CCDC34: variants seen among roughly 807,000 people sequenced by gnomAD.
CCDC34 encodes the protein coiled-coil domain containing 34.
A neutral mutation model predicts 44.1 loss-of-function variants in CCDC34; 40 were observed. The observed-to-expected ratio is 0.91, with a 90% CI of 0.70 to 1.18. CCDC34 has a LOEUF of 1.18. Among genes scored for constraint, CCDC34 ranks in the 50% most tolerant of loss-of-function variants. The pLI is 0.00. For missense variants in CCDC34, 466 were observed against 452.3 expected (o/e 1.03, Z -0.28); for synonymous variants, 159 against 158.2 (o/e 1.01, Z -0.04).
Position 27,341,254 on chromosome 11 carries a change from A to AGG in CCDC34, c.765+137_765+138insCC, listed in dbSNP as rs1862353326. ...ATATTCATTTTTGAAGTTTAAACAC[A>AGG]GCGTAACAGGATAGCTTCTTGTGTT... is the stretch of plus-strand genomic sequence containing the variant. On this transcript the variant is annotated intron_variant, in intron 4 of 5. Transcript: ENST00000328697. 4 of 534,294 alleles carry AGG rather than the reference A, an allele frequency of 7.5e-6. No individual in the cohort carries two copies. In the South Asian group the frequency reaches 1.8e-4, roughly 24 times the overall value. The allele number at this position is 534,294 out of a possible 1,614,324, so 33.1% of individuals were successfully genotyped here.
chr11:27,358,547 A>C (rs921620604), intron 1 of CCDC34, among the ~76,000 whole-genome samples: 5 of 152,126 alleles, frequency 3.3e-5, no homozygotes, highest in Non-Finnish European at 5.9e-5. Flanking sequence ...TTCTTCATTC[A>C]TTCATGCCCT....
chr11:27,341,324 C>T, intron 4 of CCDC34, 68 bp downstream of exon 4: 1 of 930,418 alleles, frequency 1.1e-6, no homozygotes, highest in South Asian at 2.6e-5. Flanking sequence ...GATACTTTTT[C>T]TAAGATATAG....
chr11:27,359,239 G>GAATCT (rs1862623957), intron 1 of CCDC34, among the ~76,000 whole-genome samples: 5 of 152,068 alleles, frequency 3.3e-5, no homozygotes, highest in Admixed American at 3.3e-4. Context: ...TGACACCCAT[G>GAATCT]AATCTGCCCT....
rs1416568623 is a variant in CCDC34 at position 27,340,848 on chromosome 11, C to T, written c.766-11G>A. 3 of 1,609,338 alleles carry T rather than the reference C, an allele frequency of 1.9e-6. No homozygotes were observed. The highest frequency in any genetic ancestry group is 2.7e-5 in the African/African-American group (2 of 74,528). On this transcript the variant is annotated splice_polypyrimidine_tract_variant and intron_variant, in intron 4 of 5. Transcript: ENST00000328697. The stretch of plus-strand genomic sequence containing the variant: ...TTGTTTTTCTTTTTCCTTAAAATGA[C>T]AAGACCAAAATATTTCCAGGGATAT...
At position 27,350,353 on chromosome 11, in the gene CCDC34, C is replaced by T; in HGVS notation, c.585G>A (p.Trp195Ter). ...KIIAEEKHKE[W>*]VQKKNEQKRK... ...TTACTTGCTCATTCTTTTTCTGAAC[C>T]CATTCCTTGTGCTTTTCTTCAGCAA... The change falls in exon 3 of 6, where the codon TGG becomes TGA. Residue 195 changes from tryptophan to a stop codon, truncating the protein, a stop_gained. Coordinates refer to ENST00000328697, the MANE Select transcript of CCDC34 (RefSeq NM_030771.2). LOFTEE classifies it high-confidence loss of function. 6.2e-7 allele frequency: 1 copy of T among 1,613,860 alleles called. No individual in the cohort carries two copies. The highest frequency in any genetic ancestry group is 8.5e-7 in the Non-Finnish European group (1 of 1,179,912).
chr11:27,349,303 T>C lies in CCDC34; in HGVS notation c.606+1029A>G, dbSNP rs191796156. 2.3e-4 allele frequency: 207 copies of C among 914,730 alleles called. 1 individual carries two copies. Among genetic ancestry groups the C allele is most frequent in the Admixed American group, 5.6e-4 (9 of 16,184 alleles). The allele number at this position is 914,730 out of a possible 1,614,324, so 56.7% of individuals were successfully genotyped here. ...TTTCATGTTATATCATGGGATGAAGTAAACTTTTTTAAAAAAACAAAGTAA... is the reference window on the plus strand; with the variant it reads ...TTTCATGTTATATCATGGGATGAAGCAAACTTTTTTAAAAAAACAAAGTAA... On this transcript the variant is annotated intron_variant, in intron 3 of 5. Transcript: ENST00000328697.
At chr11:27,339,157 T>A (rs970709845) in intron 5 of CCDC34, 122 bp from the exon 6 acceptor site, 14 of 677,638 alleles carry the variant, frequency 2.1e-5, no homozygotes, top group Non-Finnish European at 2.5e-5. Flanking sequence ...AATAAGCCAA[T>A]GTGACTTATT....
chr11:27,352,289 C>T lies in CCDC34; in HGVS notation c.499-1850G>A, dbSNP rs563010284. ...TTCCAGCTACTGGGGAGGCTGAGGC[C>T]GGAGACTCGCCTGAACCTGGGAGGC... On this transcript the variant is annotated intron_variant, in intron 2 of 5. Coordinates refer to ENST00000328697, the MANE Select transcript of CCDC34 (RefSeq NM_030771.2). Among the ~76,000 whole-genome samples, 471 of 151,570 alleles carry T rather than the reference C, an allele frequency of 3.1e-3. 3 individuals are homozygous for T. Among genetic ancestry groups the T allele is most frequent in the African/African-American group, 0.01 (425 of 41,322 alleles).
At chr11:27,342,465 T>A (rs1459604126) in intron 3 of CCDC34, among the ~76,000 whole-genome samples, 2 of 151,694 alleles carry the variant, frequency 1.3e-5, no homozygotes, top group Non-Finnish European at 2.9e-5. Context: ...CATCAGTGAA[T>A]TAAGAGAGGA....
chr11:27,346,346 G>T (rs551143488), intron 3 of CCDC34, among the ~76,000 whole-genome samples: 123 of 146,122 alleles, frequency 8.4e-4, no homozygotes, highest in African/African-American at 3.0e-3. Flanking sequence ...GGTGAGCCAA[G>T]ATCATGCCAC....
chr11:27,352,281 G>A (rs917560758), intron 2 of CCDC34, among the ~76,000 whole-genome samples: 1 of 151,984 alleles, frequency 6.6e-6, no homozygotes, highest in Non-Finnish European at 1.5e-5. Flanking sequence ...TACTGGGGAG[G>A]CTGAGGCCGG....
rs1231757439 is a variant in CCDC34, at chr11:27,341,955, G to A, written c.607-405C>T. Among the ~76,000 whole-genome samples the A allele has an allele frequency of 3.9e-5, 6 of 152,122 alleles. No individual in the cohort carries two copies. The East Asian group carries it at 9.6e-4, about 24-fold the overall frequency. ...GTTCTCATGATGGTGAATAAGTCTT[G>A]CAAGATCTGATGGTTTTTTAAAAAA... is the stretch of plus-strand genomic sequence containing the variant. On this transcript the variant is annotated intron_variant, in intron 3 of 5. Transcript: ENST00000328697.
intron 3 of CCDC34, among the ~76,000 whole-genome samples, chr11:27,344,956 A>G (rs939247959): frequency 1.2e-4 from 18 of 152,298 alleles, no homozygotes; most frequent in Middle Eastern, 3.4e-3. Context: ...ATTCAGAACT[A>G]TAAAACTATA....
At chr11:27,341,908 A>G (rs1862365698) in intron 3 of CCDC34, among the ~76,000 whole-genome samples, 1 of 152,134 alleles carries the variant, frequency 6.6e-6, no homozygotes, top group Admixed American at 6.5e-5. Context: ...ACTGGATCAT[A>G]GGGGCAATTC....
chr11:27,362,655 T>C (rs1862682703), intron 1 of CCDC34, among the ~76,000 whole-genome samples, 181 bp downstream of exon 1: 1 of 151,960 alleles, frequency 6.6e-6, no homozygotes, highest in Non-Finnish European at 1.5e-5. Context: ...ATAGGAAATC[T>C]ATGGTCATTT....
chr11:27,340,770 T>C lies in CCDC34; in HGVS notation c.833A>G (p.Glu278Gly). The change falls in exon 5 of 6, where the codon GAA becomes GGA. Residue 278 changes from glutamate to glycine, a missense_variant. Physicochemically the swap from Glu to Gly is moderately conservative, Grantham distance 98. Coordinates refer to ENST00000328697, the MANE Select transcript of CCDC34 (RefSeq NM_030771.2). ...KKEIAEKKFQ[E>G]WLENAKHKPR... Reference sequence around the variant, plus strand: ...TTTATGTTTCGCATTTTCCAACCATTCTTGAAACTTTTTTTCTGCTATTTC... The same window carrying C: ...TTTATGTTTCGCATTTTCCAACCATCCTTGAAACTTTTTTTCTGCTATTTC... 2.5e-6 allele frequency: 4 copies of C among 1,613,910 alleles called. No individual in the cohort carries two copies. Among genetic ancestry groups the C allele is most frequent in the Non-Finnish European group, 3.4e-6 (4 of 1,179,874 alleles).
At chr11:27,359,545 G>A (rs1466622691) in intron 1 of CCDC34, among the ~76,000 whole-genome samples, 1 of 151,292 alleles carries the variant, frequency 6.6e-6, no homozygotes, top group Non-Finnish European at 1.5e-5. Context: ...CTGGAGTGCA[G>A]TGGCGCGATC....
intron 2 of CCDC34, among the ~76,000 whole-genome samples, chr11:27,357,202 C>T (rs1255970240): frequency 6.6e-6 from 1 of 152,076 alleles, no homozygotes; most frequent in Non-Finnish European, 1.5e-5. Flanking sequence ...CTTAATTATG[C>T]TTAGCTGTAT....
Position 27,338,915 on chromosome 11 carries a change from G to A in CCDC34, c.1028C>T (p.Pro343Leu). ...TGACTTGTGTGGCTGACTTATCACA[G>A]GTCTTTTACTCTTCCTTCCTGATAG... is the stretch of plus-strand genomic sequence containing the variant. The part of the protein sequence containing the change: ...KDLSGRKSKR[P>L]VISQPHKSSS... Residue 343 changes from proline to leucine, a missense_variant, in exon 6 of 6, where the codon CCT becomes CTT. Transcript: ENST00000328697. The A allele has an allele frequency of 4.3e-6, 7 of 1,613,734 alleles. No individual in the cohort carries two copies. The highest frequency in any genetic ancestry group is 5.9e-6 in the Non-Finnish European group (7 of 1,179,814).
Sources: allele counts gnomAD v4.1 joint callset (sites outside exome capture counted in the v4.1 genomes callset), GRCh38; gene constraint gnomAD v4.1.1; transcripts MANE v1.5; gene names NCBI Gene and HGNC (gene_info 2026-07-23, HGNC 2026-07-21).